Variants in ZNF676 observed in about 807,000 individuals in gnomAD.
ZNF676 encodes zinc finger protein 676.
Under a neutral mutation model 6.0 loss-of-function variants are expected in ZNF676, and 4 were observed. That is an observed-to-expected ratio of 0.67 (90% CI 0.33 to 1.53). The LOEUF is 1.53. Ranked by LOEUF, ZNF676 falls within the 40% of genes most tolerant of loss-of-function variation. The probability of loss-of-function intolerance (pLI) is 0.06; values close to 1 mark genes in which losing one functional copy is unlikely to be tolerated. For synonymous variants in ZNF676, 198 were observed against 223.1 expected (o/e 0.89, Z 1.00); for missense variants, 644 against 679.7 (o/e 0.95, Z 0.58).
the ZNF676 span, among the ~76,000 whole-genome samples, chr19:22,242,303 T>C: frequency 6.6e-6 from 1 of 151,882 alleles, no homozygotes; most frequent in Non-Finnish European, 1.5e-5. Context: ...ATCACCTTAG[T>C]GCTAGGCCAA....
Position 22,196,933 on chromosome 19 carries a change from A to G in ZNF676, c.-300T>C, listed in dbSNP as rs2023973520. The G allele has an allele frequency of 1.8e-6, 1 of 543,410 alleles. No homozygotes were observed. Among genetic ancestry groups the G allele is most frequent in the Non-Finnish European group, 3.2e-6 (1 of 310,282 alleles). The allele number at this position is 543,410 out of a possible 1,614,324, so 33.7% of individuals were successfully genotyped here. ...AAAAGAAAGTGGTATAAGATCCATA[A>G]CATCTGTGTATATGTAATATTTTTC... On this transcript the variant is annotated 5_prime_UTR_variant, in exon 1 of 3. Coordinates refer to ENST00000397121, the MANE Select transcript of ZNF676 (RefSeq NM_001001411.3).
the ZNF676 span, among the ~76,000 whole-genome samples, chr19:22,259,398 T>A: frequency 1.3e-5 from 2 of 152,102 alleles, no homozygotes; most frequent in Admixed American, 6.6e-5. Flanking sequence ...AAGTGATATG[T>A]CACAATCTCC....
chr19:22,232,241 C>T, the ZNF676 span, among the ~76,000 whole-genome samples: 2 of 151,836 alleles, frequency 1.3e-5, no homozygotes, highest in African/African-American at 4.8e-5. Flanking sequence ...GATCTTGGCT[C>T]ACTGCAACTT....
chr19:22,193,744 C>T (rs1049104525), intron 1 of ZNF676, among the ~76,000 whole-genome samples: 21 of 152,076 alleles, frequency 1.4e-4, no homozygotes, highest in African/African-American at 4.6e-4. Flanking sequence ...CCTTTAGGAC[C>T]TTGTGCTTTT....
chr19:22,194,019 G>A (rs918695521), intron 1 of ZNF676, among the ~76,000 whole-genome samples: 2 of 152,138 alleles, frequency 1.3e-5, no homozygotes, highest in African/African-American at 4.8e-5. Context: ...TGCAGATCAG[G>A]CTAGGTAGAA....
upstream of ZNF676, among the ~76,000 whole-genome samples, chr19:22,199,669 G>T (rs1240575132): frequency 6.6e-6 from 1 of 152,230 alleles, no homozygotes; most frequent in Admixed American, 6.5e-5. Context: ...AGATGAAAGG[G>T]ATACAGATGG....
the ZNF676 span, among the ~76,000 whole-genome samples, chr19:22,222,652 C>A: frequency 1.9e-4 from 24 of 129,658 alleles, no homozygotes; most frequent in Admixed American, 1.6e-3. Flanking sequence ...AAACTGGTTA[C>A]AAGGGGTAAA....
chr19:22,206,988 T>C (rs1366575178), intron 1 of ZNF676, among the ~76,000 whole-genome samples: 1 of 152,190 alleles, frequency 6.6e-6, no homozygotes, highest in Non-Finnish European at 1.5e-5. Flanking sequence ...GCCAAAATAC[T>C]GAATGGACAA....
the ZNF676 span, among the ~76,000 whole-genome samples, chr19:22,242,853 C>T: frequency 4.0e-5 from 6 of 151,104 alleles, no homozygotes; most frequent in Non-Finnish European, 5.9e-5. Flanking sequence ...TGGGGGGGGG[C>T]TCTCATGAGA....
the ZNF676 span, among the ~76,000 whole-genome samples, chr19:22,256,584 A>T: frequency 6.6e-6 from 1 of 152,078 alleles, no homozygotes; most frequent in Non-Finnish European, 1.5e-5. Flanking sequence ...CTGGTAATGG[A>T]TGCAGAGATA....
intron 1 of ZNF676, among the ~76,000 whole-genome samples, chr19:22,207,245 G>A (rs1419481546): frequency 1.5e-4 from 23 of 152,292 alleles, no homozygotes; most frequent in Non-Finnish European, 2.4e-4. Flanking sequence ...CTTCAGTAAA[G>A]TCTCAGGATA....
intron 1 of ZNF676, among the ~76,000 whole-genome samples, chr19:22,209,189 G>T (rs2024106248): frequency 1.3e-5 from 2 of 152,024 alleles, no homozygotes; most frequent in Admixed American, 6.6e-5. Context: ...TTGAACCCGG[G>T]AGGTGGAGGT....
chr19:22,255,683 A>C, the ZNF676 span, among the ~76,000 whole-genome samples: 2 of 151,990 alleles, frequency 1.3e-5, no homozygotes, highest in Non-Finnish European at 2.9e-5. Flanking sequence ...GTCTCTACTA[A>C]AAATACAAAA....
chr19:22,207,273 A>C (rs1383244944), intron 1 of ZNF676, among the ~76,000 whole-genome samples: 9 of 152,236 alleles, frequency 5.9e-5, no homozygotes, highest in Middle Eastern at 3.2e-3. Flanking sequence ...AATGTACAAA[A>C]ATTAGTAGCA....
intron 1 of ZNF676, among the ~76,000 whole-genome samples, chr19:22,215,168 C>T (rs574961964): frequency 6.6e-6 from 1 of 151,924 alleles, no homozygotes; most frequent in Non-Finnish European, 1.5e-5. Context: ...TTCAATAGAC[C>T]ATAAACTACA....
chr19:22,215,738 C>T (rs915479462), exon 1 of ZNF676: 25 of 1,429,436 alleles, frequency 1.7e-5, no homozygotes, highest in Non-Finnish European at 2.1e-5. Flanking sequence ...AAGGACAAGG[C>T]CTTTACCTCC....
chr19:22,249,392 T>G, the ZNF676 span, among the ~76,000 whole-genome samples: 1 of 152,118 alleles, frequency 6.6e-6, no homozygotes, highest in Non-Finnish European at 1.5e-5. Flanking sequence ...GTTAAAGAGA[T>G]ATTATTCAGT....
At chr19:22,223,752 T>C in the ZNF676 span, among the ~76,000 whole-genome samples, 1 of 152,082 alleles carries the variant, frequency 6.6e-6, no homozygotes, top group Non-Finnish European at 1.5e-5. Flanking sequence ...TCCATTCACT[T>C]TCTTCAGCCT....
the ZNF676 span, among the ~76,000 whole-genome samples, chr19:22,255,661 C>A: frequency 1.2e-4 from 18 of 151,978 alleles, no homozygotes; most frequent in Admixed American, 2.0e-4. Context: ...CTGGCTAACA[C>A]GGTGAAACCC....
Sources: gnomAD v4.1 joint callset for allele counts (sites outside exome capture counted in the v4.1 genomes callset) on GRCh38, gnomAD v4.1.1 for gene constraint, MANE v1.5 for transcripts, NCBI Gene and HGNC (gene_info 2026-07-23, HGNC 2026-07-21) for gene names.